UPRT: variants seen among roughly 807,000 people sequenced by gnomAD.
The protein encoded by UPRT is RP11-311P8.3.
A neutral mutation model predicts 22.6 loss-of-function variants in UPRT; 5 were observed. The ratio of observed to expected loss-of-function variants is 0.22; its 90% CI spans 0.12 to 0.47. The LOEUF is 0.47. Among genes scored for constraint, UPRT ranks in the 20% least tolerant of loss-of-function variants. The probability of loss-of-function intolerance (pLI) is 0.99; values close to 1 mark genes in which losing one functional copy is unlikely to be tolerated. For synonymous variants in UPRT, 77 were observed against 87.7 expected (o/e 0.88, Z 0.68); for missense variants, 181 against 239.9 (o/e 0.75, Z 1.62).
At chrX:75,205,414 GAGA>G (rs1439862277) in intron 4 of UPRT, among the ~76,000 whole-genome samples, 1 of 84,602 alleles carries the variant, frequency 1.2e-5, no homozygotes, top group East Asian at 3.4e-4. Flanking sequence ...AAAAAAAAAA[GAGA>G]AGATTTGAAA....
chrX:75,159,769 A>C (rs28440063), intron 1 of UPRT, among the ~76,000 whole-genome samples: 1 of 88,456 alleles, frequency 1.1e-5, no homozygotes, highest in Admixed American at 1.7e-4. Flanking sequence ...ACTTGCCTTA[A>C]ATTTTTTTTT....
At chrX:75,279,554 A>G (rs1174301270) in intron 1 of UPRT, among the ~76,000 whole-genome samples, 2 of 111,925 alleles carry the variant, frequency 1.8e-5, no homozygotes, top group Non-Finnish European at 3.8e-5. Context: ...AATTGTAATC[A>G]GATAAAATGA....
At chrX:75,227,300 G>A (rs2082426232) in intron 4 of UPRT, among the ~76,000 whole-genome samples, 1 of 111,778 alleles carries the variant, frequency 8.9e-6, no homozygotes, top group Non-Finnish European at 1.9e-5. Context: ...AAGCGGATGA[G>A]GGTGGCAGGG....
chrX:75,163,231 T>C (rs2082204921), intron 3 of UPRT, among the ~76,000 whole-genome samples: 1 of 111,852 alleles, frequency 8.9e-6, no homozygotes, highest in Admixed American at 9.5e-5. Context: ...TATAGGTAAT[T>C]AACATGATTG....
chrX:75,179,717 C>A (rs896172861), intron 4 of UPRT, among the ~76,000 whole-genome samples: 12 of 113,431 alleles, frequency 1.1e-4, no homozygotes, highest in African/African-American at 3.5e-4. Context: ...GGTGGGCTGG[C>A]ACTGCTGGGG....
At chrX:75,196,930 A>G (rs1157174916) in intron 4 of UPRT, among the ~76,000 whole-genome samples, 3 of 112,019 alleles carry the variant, frequency 2.7e-5, no homozygotes, top group African/African-American at 6.5e-5. Context: ...AGCTTTTGCA[A>G]TGAGAGAATT....
intron 4 of UPRT, among the ~76,000 whole-genome samples, chrX:75,254,736 A>G (rs919501091): frequency 3.3e-4 from 36 of 108,514 alleles, no homozygotes; most frequent in Non-Finnish European, 6.3e-4. Flanking sequence ...ATCAGGTTAT[A>G]TAAAGTTAAG....
chrX:75,269,532 G>A (rs778616575), upstream of UPRT, among the ~76,000 whole-genome samples: 1 of 111,649 alleles, frequency 9.0e-6, no homozygotes, highest in African/African-American at 3.3e-5. Flanking sequence ...AGCCAAAACA[G>A]CATGGTACTG....
chrX:75,215,436 G>T (rs1003161933), intron 4 of UPRT, among the ~76,000 whole-genome samples: 3 of 111,600 alleles, frequency 2.7e-5, no homozygotes, highest in Non-Finnish European at 3.8e-5. Flanking sequence ...CGAAAAGCTG[G>T]TTCTTTGAAA....
chrX:75,246,477 G>A (rs1156818005), intron 4 of UPRT, among the ~76,000 whole-genome samples: 1 of 110,425 alleles, frequency 9.1e-6, no homozygotes, highest in Non-Finnish European at 1.9e-5. Context: ...GTGTATATGT[G>A]CCACATTTTC....
intron 1 of UPRT, among the ~76,000 whole-genome samples, chrX:75,276,001 C>T (rs1210008361): frequency 1.8e-5 from 2 of 111,986 alleles, no homozygotes; most frequent in Non-Finnish European, 3.8e-5. Context: ...TGTGAGCCAC[C>T]ATGCCTGGCC....
At chrX:75,250,334 A>G (rs1360165975) in intron 4 of UPRT, among the ~76,000 whole-genome samples, 1 of 110,578 alleles carries the variant, frequency 9.0e-6, no homozygotes, top group Non-Finnish European at 1.9e-5. Flanking sequence ...AAAGAAGAAA[A>G]GAGAGAAGAA....
chrX:75,251,328 A>C (rs1395531530), intron 4 of UPRT, among the ~76,000 whole-genome samples: 1 of 111,827 alleles, frequency 8.9e-6, no homozygotes, highest in South Asian at 3.8e-4. Context: ...GTCTCAGCCC[A>C]AAATCTCCTT....
intron 4 of UPRT, among the ~76,000 whole-genome samples, chrX:75,182,133 T>C: frequency 8.9e-6 from 1 of 112,298 alleles, no homozygotes; most frequent in South Asian, 3.7e-4. Flanking sequence ...TTGTTTTTAG[T>C]TCTGTTTATA....
upstream of UPRT, among the ~76,000 whole-genome samples, chrX:75,270,432 T>C (rs768548044): frequency 1.8e-5 from 2 of 111,676 alleles, no homozygotes; most frequent in Admixed American, 1.9e-4. Flanking sequence ...TATAAATCAT[T>C]CTACTATAAA....
intron 4 of UPRT, among the ~76,000 whole-genome samples, chrX:75,249,031 G>C (rs1342118730): frequency 1.8e-5 from 2 of 111,270 alleles, no homozygotes; most frequent in Non-Finnish European, 3.8e-5. Flanking sequence ...TCACCACCAG[G>C]CCTGCCCTAA....
At position 75,299,718 on chromosome X, in the gene UPRT, C is replaced by A. The variant is rs775276745; in HGVS notation, c.563-17C>A. The A allele has an allele frequency of 8.5e-7, 1 of 1,176,330 alleles. No individual in the cohort carries two copies. Among genetic ancestry groups the A allele is most frequent in the Non-Finnish European group, 1.1e-6 (1 of 879,569 alleles). The stretch of plus-strand genomic sequence containing the variant: ...CTCTTTCCCCTAATCTTTTTTCTTT[C>A]TTTTTTCTTCTTCAAGGTGAGGCAA... On this transcript the variant is annotated splice_polypyrimidine_tract_variant and intron_variant, in intron 4 of 6. Transcript: ENST00000373383.
At chrX:75,192,510 G>A (rs2082319114) in intron 4 of UPRT, among the ~76,000 whole-genome samples, 1 of 111,460 alleles carries the variant, frequency 9.0e-6, no homozygotes, top group Non-Finnish European at 1.9e-5. Context: ...GGTCCTGAAT[G>A]TCTTTGCTAG....
At chrX:75,280,271 CTTTAG>C (rs1190537596) in intron 1 of UPRT, among the ~76,000 whole-genome samples, 1 of 111,428 alleles carries the variant, frequency 9.0e-6, no homozygotes, top group Non-Finnish European at 1.9e-5. Context: ...TGCAAAAGCT[CTTTAG>C]TTTAATTAAG....
Sources: allele counts gnomAD v4.1 joint callset (sites outside exome capture counted in the v4.1 genomes callset), GRCh38; gene constraint gnomAD v4.1.1; transcripts MANE v1.5; gene names NCBI Gene and HGNC (gene_info 2026-07-23, HGNC 2026-07-21).